VRK2: variants seen among roughly 807,000 people sequenced by gnomAD.
The protein encoded by VRK2 is VRK serine/threonine kinase 2.
A neutral mutation model predicts 57.6 loss-of-function variants in VRK2; 60 were observed. That is an observed-to-expected ratio of 1.04 (90% CI 0.85 to 1.29). The LOEUF (loss-of-function observed/expected upper bound fraction) is 1.29, where lower values mean the gene tolerates loss of function less well. Among genes scored for constraint, VRK2 ranks in the 50% most tolerant of loss-of-function variants. The pLI, the probability that VRK2 is intolerant of heterozygous loss-of-function variation, is 0.00. For synonymous variants in VRK2, 231 were observed against 199.2 expected (o/e 1.16, Z -1.35); for missense variants, 705 against 588.1 (o/e 1.20, Z -2.06).
At position 58,146,310 on chromosome 2, in the gene VRK2, C is replaced by A; in HGVS notation, c.1024-6C>A. 1.2e-6 allele frequency: 2 copies of A among 1,603,778 alleles called. No individual in the cohort carries two copies. The highest frequency in any genetic ancestry group is 2.2e-5 in the East Asian group (1 of 44,592). On this transcript the variant is annotated splice_polypyrimidine_tract_variant and splice_region_variant and intron_variant, in intron 11 of 12. Transcript: ENST00000340157. ...TTATATATTATTACTTACTCTATAC[C>A]AACAGGTTGATTCACAAAAGGCTGC...
chr2:58,122,998 A>T, intron 7 of VRK2, 103 bp from the exon 8 acceptor site: 1 of 1,416,924 alleles, frequency 7.1e-7, no homozygotes, highest in Non-Finnish European at 9.3e-7. Flanking sequence ...TAAAATGTAG[A>T]TCTGAGGCTG....
At position 58,102,950 on chromosome 2, in the gene VRK2, A is replaced by T. The variant is rs189967667; in HGVS notation, c.543+13227A>T. On this transcript the variant is annotated intron_variant, in intron 7 of 12. Transcript: ENST00000340157. The stretch of plus-strand genomic sequence containing the variant: ...ATGAGTAATTATTGAAACTATACAA[A>T]TACATGGAAATTAAACAACACATTC... 1.3e-3 allele frequency among the ~76,000 whole-genome samples: 204 copies of T among 151,848 alleles called. 1 individual carries two copies. Among genetic ancestry groups the T allele is most frequent in the Non-Finnish European group, 2.5e-3 (167 of 67,708 alleles).
intron 12 of VRK2, among the ~76,000 whole-genome samples, chr2:58,155,344 A>G (rs748408902): frequency 2.0e-5 from 3 of 152,122 alleles, no homozygotes; most frequent in Non-Finnish European, 2.9e-5. Context: ...TGTTGCTCTG[A>G]TGTTTGCTCA....
At chr2:58,051,228 A>G (rs1318661627) in intron 2 of VRK2, among the ~76,000 whole-genome samples, 1 of 152,228 alleles carries the variant, frequency 6.6e-6, no homozygotes, top group African/African-American at 2.4e-5. Context: ...AACATTCTCT[A>G]GTATCTGAAC....
chr2:57,954,586 A>C (rs143145065), intron 1 of VRK2, among the ~76,000 whole-genome samples: 113 of 152,186 alleles, frequency 7.4e-4, no homozygotes, highest in Middle Eastern at 3.4e-3. Flanking sequence ...CTAAAACTCA[A>C]TATACTAAAA....
chr2:57,926,734 C>T (rs1255416143), intron 1 of VRK2, among the ~76,000 whole-genome samples: 1 of 148,688 alleles, frequency 6.7e-6, no homozygotes, highest in Non-Finnish European at 1.5e-5. Flanking sequence ...TTTTTTTCAT[C>T]TTTTTTTTTC....
At chr2:58,082,896 T>G (rs72951042) in intron 2 of VRK2, among the ~76,000 whole-genome samples, 9,381 of 151,778 alleles carry the variant, frequency 0.062, 979 homozygotes, top group African/African-American at 0.21. Context: ...TGTGTATGAT[T>G]GGCTCAACTG....
chr2:58,086,267 TTGTC>T (rs1292335577), intron 4 of VRK2, 68 bp from the exon 5 acceptor site: 16 of 1,332,148 alleles, frequency 1.2e-5, no homozygotes, highest in African/African-American at 4.5e-5. Flanking sequence ...CTAAATAAAT[TTGTC>T]TGTAGAAAGG....
chr2:58,146,483 G>C lies in VRK2; in HGVS notation c.1182+9G>C, dbSNP rs1338180464. The C allele has an allele frequency of 2.5e-6, 4 of 1,601,040 alleles. No homozygotes were observed. Among genetic ancestry groups the C allele is most frequent in the Non-Finnish European group, 3.4e-6 (4 of 1,174,078 alleles). On this transcript the variant is annotated intron_variant, in intron 12 of 12. Coordinates refer to ENST00000340157, the MANE Select transcript of VRK2 (RefSeq NM_006296.7). ...ACAATGAAGCAGCTCAGGTGAGAGG[G>C]TTGTTTGTGTGTGTTTTTTCTAACT...
chr2:58,092,153 A>G (rs1558624983), intron 7 of VRK2, among the ~76,000 whole-genome samples: 1 of 152,136 alleles, frequency 6.6e-6, no homozygotes, highest in Non-Finnish European at 1.5e-5. Context: ...TTTCATTCCC[A>G]AAAGTTCTCT....
At chr2:58,152,011 A>G (rs1335109630) in intron 12 of VRK2, among the ~76,000 whole-genome samples, 3 of 151,524 alleles carry the variant, frequency 2.0e-5, no homozygotes, top group Non-Finnish European at 4.4e-5. Flanking sequence ...CCTGCTCAGC[A>G]CAATCCTGCC....
chr2:57,993,946 G>A (rs1672848603), intron 1 of VRK2, among the ~76,000 whole-genome samples: 1 of 152,176 alleles, frequency 6.6e-6, no homozygotes, highest in Non-Finnish European at 1.5e-5. Flanking sequence ...AGTATGAAGA[G>A]CTTATGAAAG....
chr2:58,092,048 C>G (rs1672456694), intron 7 of VRK2, among the ~76,000 whole-genome samples: 1 of 152,204 alleles, frequency 6.6e-6, no homozygotes, highest in Non-Finnish European at 1.5e-5. Flanking sequence ...AATTTACAAA[C>G]AGTAAATGTC....
intron 1 of VRK2, among the ~76,000 whole-genome samples, chr2:57,936,183 C>G (rs1392065205): frequency 6.6e-6 from 1 of 152,178 alleles, no homozygotes. Flanking sequence ...AGATTGAGGC[C>G]AAGCCATGGG....
chr2:58,062,749 T>C (rs1225104749), intron 2 of VRK2, among the ~76,000 whole-genome samples: 2 of 152,024 alleles, frequency 1.3e-5, no homozygotes, highest in Non-Finnish European at 2.9e-5. Context: ...CAAAGGTTGG[T>C]TCATGAGGTT....
intron 1 of VRK2, among the ~76,000 whole-genome samples, chr2:57,978,469 T>C (rs990965836): frequency 1.3e-5 from 2 of 150,974 alleles, no homozygotes; most frequent in African/African-American, 5.0e-5. Context: ...ATAAACATTT[T>C]ATGAAATTTA....
intron 2 of VRK2, among the ~76,000 whole-genome samples, chr2:58,027,809 G>A (rs1203329053): frequency 1.3e-5 from 2 of 152,006 alleles, no homozygotes; most frequent in Non-Finnish European, 2.9e-5. Context: ...GAGAATAATA[G>A]GAATGGTGAC....
At chr2:58,146,273 C>T in intron 11 of VRK2, 43 bp from the exon 12 acceptor site, 1 of 1,496,640 alleles carries the variant, frequency 6.7e-7, no homozygotes, top group South Asian at 1.4e-5. Context: ...AGAGAAATAC[C>T]AAAAGTTTTC....
At chr2:58,013,383 T>C (rs1673471155) in intron 1 of VRK2, among the ~76,000 whole-genome samples, 1 of 152,248 alleles carries the variant, frequency 6.6e-6, no homozygotes, top group Non-Finnish European at 1.5e-5. Context: ...CAGCTTTGTA[T>C]AATATGTTTA....
Sources: allele counts gnomAD v4.1 joint callset (sites outside exome capture counted in the v4.1 genomes callset), GRCh38; gene constraint gnomAD v4.1.1; transcripts MANE v1.5; gene names NCBI Gene and HGNC (gene_info 2026-07-23, HGNC 2026-07-21).